The following SUSD1 variants were observed in gnomAD, a reference collection of about 807,000 sequenced individuals.
SUSD1 encodes the protein sushi domain containing 1, also known as sushi domain-containing protein 1.
Under a neutral mutation model 86.9 loss-of-function variants are expected in SUSD1, and 65 were observed. The ratio of observed to expected loss-of-function variants is 0.75; its 90% CI spans 0.61 to 0.92. SUSD1 has a LOEUF of 0.92. SUSD1 is among the 40% of genes least tolerant of loss of function. The probability of loss-of-function intolerance (pLI) is 0.00; values close to 1 mark genes in which losing one functional copy is unlikely to be tolerated. For missense variants in SUSD1, 850 were observed against 929.7 expected (o/e 0.91, Z 1.11); for synonymous variants, 346 against 350.0 (o/e 0.99, Z 0.13).
Position 112,089,769 on chromosome 9 carries a change from G to A in SUSD1, c.1474+8701C>T, listed in dbSNP as rs573142848. 1.9e-4 allele frequency among the ~76,000 whole-genome samples: 28 copies of A among 143,624 alleles called. 1 individual carries two copies. In the South Asian group the frequency reaches 4.1e-3, roughly 21 times the overall value. 94.2% of individuals were successfully genotyped at this position (143,624 alleles called of 152,430 possible). A position where few individuals can be genotyped will look rare whatever the true frequency, so the allele number is the denominator to read the frequency against. On this transcript the variant is annotated intron_variant, in intron 10 of 16. Transcript: ENST00000374270. ...GGAAGTTGCAGCGAGCTGAGATCGC[G>A]CCACTGCACTCCAGCCTGGGTGACA...
intron 8 of SUSD1, among the ~76,000 whole-genome samples, chr9:112,111,264 G>T (rs911057431): frequency 2.6e-5 from 4 of 152,190 alleles, no homozygotes; most frequent in Non-Finnish European, 5.9e-5. Flanking sequence ...AAAGTGCTGG[G>T]ATTATAGGCG....
chr9:112,125,395 G>C (rs1831730752), intron 5 of SUSD1, among the ~76,000 whole-genome samples: 1 of 152,058 alleles, frequency 6.6e-6, no homozygotes, highest in African/African-American at 2.4e-5. Context: ...GAGTTGAAGG[G>C]AAGAAGTAAA....
chr9:112,104,436 C>T (rs1589661033), intron 8 of SUSD1, among the ~76,000 whole-genome samples: 1 of 151,988 alleles, frequency 6.6e-6, no homozygotes, highest in African/African-American at 2.4e-5. Flanking sequence ...CCTTCTTTAG[C>T]CCACTGTAGA....
At chr9:112,056,054 A>AGTTTGGAACCAGCCTGG (rs1291216176) in intron 14 of SUSD1, among the ~76,000 whole-genome samples, 1 of 152,160 alleles carries the variant, frequency 6.6e-6, no homozygotes, top group Non-Finnish European at 1.5e-5. Context: ...TGAGCCTGGG[A>AGTTTGGAACCAGCCTGG]GTTTGGAACC....
At chr9:112,114,590 G>A (rs1161023626) in intron 6 of SUSD1, among the ~76,000 whole-genome samples, 2 of 152,166 alleles carry the variant, frequency 1.3e-5, no homozygotes, top group East Asian at 3.8e-4. Context: ...ATATTCCACA[G>A]CCCCAGCTCA....
intron 12 of SUSD1, among the ~76,000 whole-genome samples, chr9:112,070,093 C>A (rs778916114): frequency 6.6e-6 from 1 of 152,138 alleles, no homozygotes; most frequent in African/African-American, 2.4e-5. Context: ...GCAGCCTCCG[C>A]CTCCCGGGCT....
intron 1 of SUSD1, among the ~76,000 whole-genome samples, chr9:112,169,675 CTTT>C (rs36110944): frequency 1.4e-5 from 2 of 138,006 alleles, no homozygotes. Context: ...AAGGGTGTAC[CTTT>C]TTTTTTTTTT....
rs551318626 is a variant in SUSD1 at position 112,041,964 on chromosome 9, T to C, written c.2150-4A>G. On this transcript the variant is annotated splice_polypyrimidine_tract_variant and splice_region_variant and intron_variant, in intron 15 of 16. Coordinates refer to ENST00000374270, the MANE Select transcript of SUSD1 (RefSeq NM_022486.5). ...TGCAGCAGCATGAGTGACGAATCTG[T>C]GGGACAAAACCACAGGCTTAGCCCA... The C allele has an allele frequency of 7.4e-6, 12 of 1,613,688 alleles. No homozygotes were observed. In the South Asian group the frequency reaches 1.2e-4, roughly 16 times the overall value.
rs192899749 is a variant in SUSD1, at chr9:112,080,810, T to C, written c.1475-645A>G. On this transcript the variant is annotated intron_variant, in intron 10 of 16. Transcript: ENST00000374270. ...GTCCTGGACCTTGTATACCCTCATT[T>C]ATACAAATAAGTGTCGGTTCGAAAT... Among the ~76,000 whole-genome samples, 202 of 152,350 alleles carry C rather than the reference T, an allele frequency of 1.3e-3. 1 individual carries two copies. Among genetic ancestry groups the C allele is most frequent in the African/African-American group, 4.6e-3 (192 of 41,578 alleles).
At chr9:112,085,445 T>C (rs765172440) in intron 10 of SUSD1, among the ~76,000 whole-genome samples, 19 of 152,246 alleles carry the variant, frequency 1.2e-4, no homozygotes, top group Non-Finnish European at 2.2e-4. Flanking sequence ...GTTATTCCCA[T>C]GTTCACAGTT....
chr9:112,097,857 C>T (rs1225217820), intron 10 of SUSD1, among the ~76,000 whole-genome samples: 1 of 152,104 alleles, frequency 6.6e-6, no homozygotes, highest in Non-Finnish European at 1.5e-5. Flanking sequence ...GTAAATTTGT[C>T]TGATAAACCC....
At chr9:112,121,470 G>A (rs568067350) in intron 6 of SUSD1, among the ~76,000 whole-genome samples, 2 of 152,298 alleles carry the variant, frequency 1.3e-5, no homozygotes, top group East Asian at 3.9e-4. Flanking sequence ...CTGTTGCACT[G>A]TAAATTCCAA....
At chr9:112,157,691 A>G in intron 1 of SUSD1, 78 bp from the exon 2 acceptor site, 12 of 1,224,990 alleles carry the variant, frequency 9.8e-6, no homozygotes, top group Non-Finnish European at 1.4e-5. Flanking sequence ...TTTACAACGA[A>G]GAACCAAAAT....
At chr9:112,158,102 G>A (rs983237348) in intron 1 of SUSD1, among the ~76,000 whole-genome samples, 2 of 151,872 alleles carry the variant, frequency 1.3e-5, no homozygotes, top group Non-Finnish European at 2.9e-5. Context: ...GGGATTACAG[G>A]CGTGAGCCAC....
At chr9:112,124,211 G>A (rs1320429646) in intron 6 of SUSD1, 46 bp downstream of exon 6, 3 of 1,562,350 alleles carry the variant, frequency 1.9e-6, no homozygotes, top group South Asian at 2.4e-5. Flanking sequence ...GGCTCCCACT[G>A]GCTGTTTTGT....
chr9:112,142,293 GGGAACCTGTATTT>G lies in SUSD1; in HGVS notation c.706+14_706+26del, dbSNP rs935130438. 6.6e-7 allele frequency: 1 copy of G among 1,524,180 alleles called. No individual in the cohort carries two copies. The highest frequency in any genetic ancestry group is 1.4e-5 in the African/African-American group (1 of 71,208). 94.4% of individuals were successfully genotyped at this position (1,524,180 alleles called of 1,614,324 possible). On this transcript the variant is annotated intron_variant, in intron 5 of 16. Coordinates refer to ENST00000374270, the MANE Select transcript of SUSD1 (RefSeq NM_022486.5). Reference sequence around the variant, plus strand: ...AAACAGTTTCAAGGTGGTATGAATTGGGAACCTGTATTTTTTGAAAACTCACCTTGGCAATGTA... The same window carrying G: ...AAACAGTTTCAAGGTGGTATGAATTGTTTGAAAACTCACCTTGGCAATGTA...
At chr9:112,157,816 C>CTTTTTT (rs1226073813) in intron 1 of SUSD1, among the ~76,000 whole-genome samples, 1 of 138,432 alleles carries the variant, frequency 7.2e-6, no homozygotes, top group African/African-American at 2.9e-5. Context: ...CAATGTCTTT[C>CTTTTTT]TTTCTTTCTT....
chr9:112,051,063 C>T (rs137904892), intron 15 of SUSD1, among the ~76,000 whole-genome samples: 57 of 152,330 alleles, frequency 3.7e-4, no homozygotes, highest in African/African-American at 1.3e-3. Context: ...GCTTGTCCTG[C>T]CCAGCAAGAG....
chr9:112,087,333 C>A (rs753270743), intron 10 of SUSD1, among the ~76,000 whole-genome samples: 1 of 152,084 alleles, frequency 6.6e-6, no homozygotes. Context: ...AGGTGTGCAC[C>A]ACCAAGCCTG....
Sources: allele counts gnomAD v4.1 joint callset (sites outside exome capture counted in the v4.1 genomes callset), GRCh38; gene constraint gnomAD v4.1.1; transcripts MANE v1.5; gene names NCBI Gene and HGNC (gene_info 2026-07-23, HGNC 2026-07-21).